BCAS1: variants seen among roughly 807,000 people sequenced by gnomAD.
BCAS1 encodes brain enriched myelin associated protein 1.
BCAS1 carries 46 observed loss-of-function variants against 65.4 expected under a neutral mutation model. The ratio of observed to expected loss-of-function variants is 0.70; its 90% CI spans 0.55 to 0.90. BCAS1 has a LOEUF of 0.90. Among genes scored for constraint, BCAS1 ranks in the 40% least tolerant of loss-of-function variants. The pLI, the probability that BCAS1 is intolerant of heterozygous loss-of-function variation, is 0.00. For synonymous variants in BCAS1, 298 were observed against 293.5 expected (o/e 1.02, Z -0.16); for missense variants, 793 against 771.2 (o/e 1.03, Z -0.33).
intron 6 of BCAS1, 46 bp downstream of exon 6, chr20:53,994,966 C>A: frequency 6.4e-7 from 1 of 1,558,534 alleles, no homozygotes; most frequent in South Asian, 1.1e-5. Flanking sequence ...AAATCCAATT[C>A]TATGCGCAAA....
At chr20:53,975,198 G>A (rs1372061436) in intron 9 of BCAS1, among the ~76,000 whole-genome samples, 191 bp downstream of exon 9, 1 of 152,168 alleles carries the variant, frequency 6.6e-6, no homozygotes, top group African/African-American at 2.4e-5. Flanking sequence ...CTGATTCAAT[G>A]AGAGTTACAA....
At chr20:54,041,445 C>T (rs2091989367) in intron 3 of BCAS1, among the ~76,000 whole-genome samples, 1 of 141,020 alleles carries the variant, frequency 7.1e-6, no homozygotes, top group African/African-American at 2.5e-5. Context: ...AAAAGACATG[C>T]AGCCAGCTTT....
At chr20:53,955,569 G>A (rs1248450627) in intron 11 of BCAS1, among the ~76,000 whole-genome samples, 2 of 152,172 alleles carry the variant, frequency 1.3e-5, no homozygotes, top group Non-Finnish European at 2.9e-5. Context: ...GAAGGACCTG[G>A]TTTGTTTCTA....
intron 10 of BCAS1, among the ~76,000 whole-genome samples, chr20:53,960,487 AAAAAAAAAAG>A: frequency 7.1e-6 from 1 of 140,392 alleles, no homozygotes; most frequent in African/African-American, 2.7e-5. Flanking sequence ...AAAAAAAAAA[AAAAAAAAAAG>A]AGAGAGAGAG....
chr20:54,055,801 CACATAT>C (rs1240546748), intron 3 of BCAS1, among the ~76,000 whole-genome samples: 2 of 152,144 alleles, frequency 1.3e-5, no homozygotes, highest in African/African-American at 4.8e-5. Context: ...TATGGACACA[CACATAT>C]ACATATACAT....
intron 10 of BCAS1, among the ~76,000 whole-genome samples, chr20:53,959,126 C>T (rs1162944496): frequency 6.6e-6 from 1 of 152,148 alleles, no homozygotes; most frequent in Non-Finnish European, 1.5e-5. Flanking sequence ...GGGTCCCATT[C>T]TGTCACTCAG....
intron 3 of BCAS1, among the ~76,000 whole-genome samples, chr20:54,029,360 C>A (rs2091752040): frequency 6.6e-6 from 1 of 152,218 alleles, no homozygotes; most frequent in African/African-American, 2.4e-5. Flanking sequence ...GGTTTCTCAA[C>A]CTCAGCACTA....
At chr20:54,014,556 T>A (rs1484579675) in intron 4 of BCAS1, among the ~76,000 whole-genome samples, 1 of 152,222 alleles carries the variant, frequency 6.6e-6, no homozygotes, top group Non-Finnish European at 1.5e-5. Context: ...CTGTGATGCC[T>A]CTACTCCATC....
chr20:53,951,676 C>T (rs1309205772), intron 12 of BCAS1, among the ~76,000 whole-genome samples: 1 of 152,198 alleles, frequency 6.6e-6, no homozygotes, highest in East Asian at 1.9e-4. Context: ...GATTCGTGTG[C>T]ACAGTACATT....
rs867904207 is a variant in BCAS1, at chr20:53,985,417, C to A, written c.1145G>T (p.Gly382Val). The part of the protein sequence containing the change: ...NFTSQETQGA[G>V]KNSKGCNPSG... ...TGGGTTGCATCCTTTGGAATTCTTG[C>A]CAGCCCCTTGGGTCTCCTGGGATGT... is the stretch of plus-strand genomic sequence containing the variant. Residue 382 changes from glycine (G) to valine (V), a missense_variant, in exon 8 of 13, where the codon GGC becomes GTC. By Grantham distance (109) the Gly-to-Val change is moderately radical. Coordinates refer to ENST00000688948, the MANE Select transcript of BCAS1 (RefSeq NM_001366298.2). 1.2e-6 allele frequency: 2 copies of A among 1,613,852 alleles called. No homozygotes were observed. Among genetic ancestry groups the A allele is most frequent in the Non-Finnish European group, 1.7e-6 (2 of 1,179,964 alleles).
chr20:54,059,838 T>C lies in BCAS1; in HGVS notation c.-5-1115A>G, dbSNP rs189384743. Among the ~76,000 whole-genome samples the C allele has an allele frequency of 2.0e-3, 302 of 152,374 alleles. 1 individual carries two copies. Among genetic ancestry groups the C allele is most frequent in the Non-Finnish European group, 3.2e-3 (219 of 68,030 alleles). The stretch of plus-strand genomic sequence containing the variant: ...GTAAATACATAGTATTATAATGTCA[T>C]GTGACCACTAAGTATATGTGGTCCA... On this transcript the variant is annotated intron_variant, in intron 1 of 12. Coordinates refer to ENST00000688948, the MANE Select transcript of BCAS1 (RefSeq NM_001366298.2).
intron 3 of BCAS1, among the ~76,000 whole-genome samples, chr20:54,029,852 T>G (rs1364286831): frequency 6.6e-6 from 1 of 152,174 alleles, no homozygotes; most frequent in Non-Finnish European, 1.5e-5. Context: ...AAATCTGACT[T>G]CTAAGTTCAT....
At chr20:53,975,219 A>G (rs908204683) in intron 9 of BCAS1, among the ~76,000 whole-genome samples, 170 bp downstream of exon 9, 8 of 152,306 alleles carry the variant, frequency 5.3e-5, no homozygotes, top group African/African-American at 1.9e-4. Flanking sequence ...AAATTCATCC[A>G]ATGTTATCCT....
chr20:53,996,625 C>T (rs2090922673), intron 4 of BCAS1, among the ~76,000 whole-genome samples: 2 of 152,202 alleles, frequency 1.3e-5, no homozygotes, highest in African/African-American at 4.8e-5. Context: ...TCTGAATCTG[C>T]CTTCCTTTCA....
intron 10 of BCAS1, among the ~76,000 whole-genome samples, chr20:53,959,886 G>T (rs780259046): frequency 6.6e-6 from 1 of 152,168 alleles, no homozygotes; most frequent in Non-Finnish European, 1.5e-5. Context: ...GGCCAGTCTT[G>T]CTTGAGAAGG....
intron 4 of BCAS1, among the ~76,000 whole-genome samples, chr20:54,024,329 G>T (rs117231866): frequency 2.6e-5 from 4 of 152,194 alleles, no homozygotes; most frequent in Admixed American, 2.6e-4. Context: ...CATTCACTGA[G>T]ATGGAAAACC....
intron 3 of BCAS1, among the ~76,000 whole-genome samples, chr20:54,042,312 G>GA (rs2092014518): frequency 6.6e-6 from 1 of 152,004 alleles, no homozygotes; most frequent in East Asian, 1.9e-4. Flanking sequence ...GTACCCGGGT[G>GA]AAAAAATAAT....
intron 3 of BCAS1, among the ~76,000 whole-genome samples, chr20:54,038,636 A>G (rs2091938816): frequency 6.6e-6 from 1 of 151,406 alleles, no homozygotes; most frequent in Admixed American, 6.6e-5. Flanking sequence ...CTGACAATAC[A>G]TTATCCAAAT....
intron 4 of BCAS1, among the ~76,000 whole-genome samples, chr20:54,014,026 CATGATTA>C (rs2091379019): frequency 6.6e-6 from 1 of 152,098 alleles, no homozygotes; most frequent in African/African-American, 2.4e-5. Context: ...GCAAAATATG[CATGATTA>C]ACTAAAAAAA....
Sources: gnomAD v4.1 joint callset for allele counts (sites outside exome capture counted in the v4.1 genomes callset) on GRCh38, gnomAD v4.1.1 for gene constraint, MANE v1.5 for transcripts, NCBI Gene and HGNC (gene_info 2026-07-23, HGNC 2026-07-21) for gene names.